Variants in KCNAB1 observed in about 807,000 individuals in gnomAD.
The protein encoded by KCNAB1 is voltage-gated potassium channel subunit beta-1.
KCNAB1 carries 35 observed loss-of-function variants against 64.6 expected under a neutral mutation model. The observed-to-expected ratio is 0.54, with a 90% CI of 0.41 to 0.72. KCNAB1 has a LOEUF of 0.72. Ranked by LOEUF, KCNAB1 falls within the 30% of genes least tolerant of loss-of-function variation. KCNAB1 has a pLI of 0.00. For missense variants in KCNAB1, 401 were observed against 512.9 expected, an observed-to-expected ratio of 0.78 and a Z score of 2.11; for synonymous variants, 177 against 183.8, an observed-to-expected ratio of 0.96 and a Z score of 0.30.
chr3:156,205,531 G>A (rs1463804085), intron 1 of KCNAB1, among the ~76,000 whole-genome samples: 1 of 152,190 alleles, frequency 6.6e-6, no homozygotes, highest in Admixed American at 6.5e-5. Context: ...ATCCTTGTTA[G>A]TATGCAGGTA....
At chr3:156,477,221 TC>T (rs1714431990) in intron 8 of KCNAB1, among the ~76,000 whole-genome samples, 1 of 152,166 alleles carries the variant, frequency 6.6e-6, no homozygotes, top group Non-Finnish European at 1.5e-5. Flanking sequence ...CCAGTGGAGT[TC>T]GTAACTGCAG....
At chr3:156,389,135 C>T (rs988397612) in intron 1 of KCNAB1, among the ~76,000 whole-genome samples, 3 of 152,128 alleles carry the variant, frequency 2.0e-5, no homozygotes, top group African/African-American at 4.8e-5. Flanking sequence ...TCATGACAAG[C>T]GAGGTCTTTG....
chr3:156,204,508 TC>T, intron 1 of KCNAB1, among the ~76,000 whole-genome samples: 1 of 152,158 alleles, frequency 6.6e-6, no homozygotes, highest in Non-Finnish European at 1.5e-5. Flanking sequence ...TGACATAAAT[TC>T]TCTATCTCTA....
chr3:156,221,603 C>A (rs1394046582), intron 1 of KCNAB1, among the ~76,000 whole-genome samples: 2 of 152,002 alleles, frequency 1.3e-5, no homozygotes, highest in Non-Finnish European at 2.9e-5. Context: ...CATGGTGAAA[C>A]CCTGTCTGTA....
intron 7 of KCNAB1, among the ~76,000 whole-genome samples, chr3:156,470,102 T>C (rs1318177631): frequency 2.6e-5 from 4 of 152,208 alleles, no homozygotes; most frequent in Non-Finnish European, 4.4e-5. Flanking sequence ...GAGCTTGATT[T>C]GTGCTTAATG....
chr3:156,269,715 C>T (rs1264487823), intron 1 of KCNAB1, among the ~76,000 whole-genome samples: 1 of 152,104 alleles, frequency 6.6e-6, no homozygotes. Flanking sequence ...ACTCCTTTAT[C>T]ATTATGTAAT....
In KCNAB1 at chr3:156,421,668, T is replaced by C. The variant is rs200761706; in HGVS notation, c.319+9T>C. The C allele has an allele frequency of 1.7e-4, 267 of 1,613,334 alleles. 1 individual carries two copies. The highest frequency in any genetic ancestry group is 8.2e-4 in the Middle Eastern group (5 of 6,080). Reference sequence around the variant, plus strand: ...TTCTTGCTTGGGTCTTGGTAAGTACTGAGGGTGTGACCTGGGGGTGGGCTG... The same window carrying C: ...TTCTTGCTTGGGTCTTGGTAAGTACCGAGGGTGTGACCTGGGGGTGGGCTG... On this transcript the variant is annotated intron_variant, in intron 2 of 13. Coordinates refer to ENST00000490337, the MANE Select transcript of KCNAB1 (RefSeq NM_172160.3).
intron 13 of KCNAB1, among the ~76,000 whole-genome samples, chr3:156,532,867 A>G (rs960848865): frequency 3.3e-5 from 5 of 152,348 alleles, no homozygotes; most frequent in Admixed American, 1.3e-4. Context: ...ATTCAATCCA[A>G]TGATTTCAGT....
At chr3:156,353,567 C>A (rs568290338) in intron 1 of KCNAB1, among the ~76,000 whole-genome samples, 2 of 152,336 alleles carry the variant, frequency 1.3e-5, no homozygotes, top group African/African-American at 2.4e-5. Context: ...GGCTCAGGGA[C>A]CCTCACAAGG....
chr3:156,167,782 T>C (rs1477738928), intron 1 of KCNAB1, among the ~76,000 whole-genome samples: 1 of 152,218 alleles, frequency 6.6e-6, no homozygotes, highest in South Asian at 2.1e-4. Flanking sequence ...TCAGAAAAAC[T>C]GTGCTTTAGT....
chr3:156,416,630 C>T (rs1302669168), intron 1 of KCNAB1, among the ~76,000 whole-genome samples: 5 of 152,080 alleles, frequency 3.3e-5, no homozygotes, highest in African/African-American at 4.8e-5. Context: ...TATTTAATAC[C>T]TGTCTCACCT....
intron 8 of KCNAB1, among the ~76,000 whole-genome samples, chr3:156,505,297 A>G (rs1716759638): frequency 6.6e-6 from 1 of 152,164 alleles, no homozygotes; most frequent in South Asian, 2.1e-4. Flanking sequence ...TATTTTAGTT[A>G]CTATATCTTT....
At chr3:156,412,865 G>C (rs1042702648) in intron 1 of KCNAB1, among the ~76,000 whole-genome samples, 1 of 152,172 alleles carries the variant, frequency 6.6e-6, no homozygotes, top group Non-Finnish European at 1.5e-5. Flanking sequence ...AGAGACCAAG[G>C]GAGAGGAAGA....
intron 2 of KCNAB1, among the ~76,000 whole-genome samples, chr3:156,432,535 A>G (rs1006632111): frequency 4.0e-4 from 61 of 152,350 alleles, no homozygotes; most frequent in African/African-American, 1.4e-3. Context: ...AAAAGAGGCT[A>G]CCAACACATA....
intron 1 of KCNAB1, among the ~76,000 whole-genome samples, chr3:156,294,344 C>T (rs1208971136): frequency 1.3e-5 from 2 of 152,156 alleles, no homozygotes; most frequent in Non-Finnish European, 2.9e-5. Flanking sequence ...TTCCAAGCCA[C>T]TCTATCTGTA....
chr3:156,485,785 C>A (rs535343417), intron 8 of KCNAB1, among the ~76,000 whole-genome samples: 1 of 152,076 alleles, frequency 6.6e-6, no homozygotes, highest in South Asian at 2.1e-4. Flanking sequence ...CTAGTATTTC[C>A]ATCTTCATGT....
intron 1 of KCNAB1, among the ~76,000 whole-genome samples, chr3:156,351,741 T>G (rs1724871288): frequency 6.6e-6 from 1 of 152,218 alleles, no homozygotes; most frequent in Non-Finnish European, 1.5e-5. Context: ...TCTTTACTTC[T>G]GGATTTACTT....
At chr3:156,462,415 GC>G (rs768408984) in intron 5 of KCNAB1, among the ~76,000 whole-genome samples, 4 of 152,168 alleles carry the variant, frequency 2.6e-5, no homozygotes, top group African/African-American at 9.7e-5. Context: ...AGGAGACCGG[GC>G]TCCCCTGTGG....
intron 1 of KCNAB1, among the ~76,000 whole-genome samples, chr3:156,301,834 G>A (rs973435906): frequency 1.1e-4 from 17 of 152,150 alleles, no homozygotes; most frequent in African/African-American, 3.1e-4. Flanking sequence ...AGGACCTTCC[G>A]TGGGTTCTGT....
Sources: gnomAD v4.1 joint callset for allele counts (sites outside exome capture counted in the v4.1 genomes callset) on GRCh38, gnomAD v4.1.1 for gene constraint, MANE v1.5 for transcripts, NCBI Gene and HGNC (gene_info 2026-07-23, HGNC 2026-07-21) for gene names.